Variants in INPP4B observed in about 807,000 individuals in gnomAD.
INPP4B encodes inositol polyphosphate 4-phosphatase type II.
INPP4B carries 55 observed loss-of-function variants against 122.5 expected under a neutral mutation model. That is an observed-to-expected ratio of 0.45 (90% CI 0.36 to 0.56). The LOEUF (loss-of-function observed/expected upper bound fraction) is 0.56, where lower values mean the gene tolerates loss of function less well. INPP4B is among the 20% of genes least tolerant of loss of function. The probability of loss-of-function intolerance (pLI) is 0.00; values close to 1 mark genes in which losing one functional copy is unlikely to be tolerated. For synonymous variants in INPP4B, 403 were observed against 388.7 expected, an observed-to-expected ratio of 1.04 and a Z score of -0.43; for missense variants, 1,000 against 1,097.7, an observed-to-expected ratio of 0.91 and a Z score of 1.26.
chr4:142,603,790 A>G (rs2150309322), intron 2 of INPP4B, among the ~76,000 whole-genome samples: 1 of 152,222 alleles, frequency 6.6e-6, no homozygotes, highest in Admixed American at 6.5e-5. Flanking sequence ...AAATATATAA[A>G]GAAGAACTGA....
At chr4:142,814,786 C>T (rs757937383) in intron 1 of INPP4B, among the ~76,000 whole-genome samples, 3 of 152,086 alleles carry the variant, frequency 2.0e-5, no homozygotes, top group Non-Finnish European at 4.4e-5. Context: ...ATAGAAGAGA[C>T]AAAACTCCTG....
At chr4:142,497,874 G>T (rs1200083516) in intron 2 of INPP4B, among the ~76,000 whole-genome samples, 7 of 151,812 alleles carry the variant, frequency 4.6e-5, no homozygotes, top group Non-Finnish European at 4.4e-5. Context: ...AACAAGTAGA[G>T]AACATGAAAA....
At chr4:142,802,648 C>A (rs28542032) in intron 1 of INPP4B, among the ~76,000 whole-genome samples, 1 of 152,064 alleles carries the variant, frequency 6.6e-6, no homozygotes, top group East Asian at 1.9e-4. Context: ...TCAAAGAACT[C>A]GCCTACTAAA....
At chr4:142,808,591 TAGTTATACTGG>T (rs1370373551) in intron 1 of INPP4B, among the ~76,000 whole-genome samples, 1 of 152,180 alleles carries the variant, frequency 6.6e-6, no homozygotes, top group Non-Finnish European at 1.5e-5. Flanking sequence ...TATTCAGAGG[TAGTTATACTGG>T]AGGATCTAGA....
At chr4:142,658,063 C>G (rs760635079) in intron 2 of INPP4B, among the ~76,000 whole-genome samples, 4 of 152,018 alleles carry the variant, frequency 2.6e-5, no homozygotes, top group Non-Finnish European at 5.9e-5. Flanking sequence ...TTCTAAAATC[C>G]TGATGTCTAA....
intron 7 of INPP4B, among the ~76,000 whole-genome samples, chr4:142,339,188 T>C (rs2151661953): frequency 6.6e-6 from 1 of 152,288 alleles, no homozygotes; most frequent in South Asian, 2.1e-4. Context: ...ACTGCACTAT[T>C]CTTTGTGGTT....
intron 2 of INPP4B, among the ~76,000 whole-genome samples, chr4:142,628,699 G>T (rs1397687031): frequency 1.3e-5 from 2 of 151,250 alleles, no homozygotes; most frequent in Non-Finnish European, 2.9e-5. Context: ...CATTTCATAA[G>T]ATATGGCCCC....
intron 2 of INPP4B, among the ~76,000 whole-genome samples, chr4:142,598,749 G>A (rs922247346): frequency 6.6e-6 from 1 of 152,176 alleles, no homozygotes; most frequent in African/African-American, 2.4e-5. Context: ...GGCCTTGTAA[G>A]CAGAGAATGA....
chr4:142,326,525 T>C (rs940192660), intron 7 of INPP4B, among the ~76,000 whole-genome samples: 3 of 152,202 alleles, frequency 2.0e-5, no homozygotes, highest in African/African-American at 7.2e-5. Context: ...TCATGTATTC[T>C]ACTAACAGTT....
intron 9 of INPP4B, among the ~76,000 whole-genome samples, chr4:142,293,430 A>G (rs1236058319): frequency 6.6e-6 from 1 of 152,132 alleles, no homozygotes; most frequent in African/African-American, 2.4e-5. Context: ...ATTAAAAAAA[A>G]AGCAATCTGT....
At chr4:142,792,111 G>A (rs1482990639) in intron 1 of INPP4B, among the ~76,000 whole-genome samples, 1 of 151,986 alleles carries the variant, frequency 6.6e-6, no homozygotes, top group South Asian at 2.1e-4. Context: ...TTAGCTAGAT[G>A]TGGTGGTCCT....
chr4:142,419,729 A>G (rs1233423382), intron 5 of INPP4B, among the ~76,000 whole-genome samples: 1 of 152,070 alleles, frequency 6.6e-6, no homozygotes, highest in Non-Finnish European at 1.5e-5. Context: ...ATTTAATTGC[A>G]CTCCATTAGG....
chr4:142,735,463 A>T (rs540278843), intron 1 of INPP4B, among the ~76,000 whole-genome samples: 8 of 152,316 alleles, frequency 5.3e-5, no homozygotes, highest in African/African-American at 1.9e-4. Flanking sequence ...GTTCTAAGTT[A>T]CTGTCTTGCA....
chr4:142,798,744 A>G (rs779696201), intron 1 of INPP4B, among the ~76,000 whole-genome samples: 3 of 151,942 alleles, frequency 2.0e-5, no homozygotes, highest in Non-Finnish European at 4.4e-5. Flanking sequence ...GAAGTAGAGA[A>G]GTAGAGATAA....
At chr4:142,443,206 G>T (rs547354634) in intron 3 of INPP4B, among the ~76,000 whole-genome samples, 1 of 152,226 alleles carries the variant, frequency 6.6e-6, no homozygotes, top group African/African-American at 2.4e-5. Context: ...TAACACTCCT[G>T]AGAGCCTTTA....
intron 2 of INPP4B, among the ~76,000 whole-genome samples, chr4:142,528,368 C>T (rs182123876): frequency 1.4e-4 from 22 of 152,126 alleles, no homozygotes. Context: ...GAACACACTT[C>T]CAATCTACTC....
chr4:142,711,748 C>T (rs181017875), intron 2 of INPP4B, among the ~76,000 whole-genome samples: 146 of 152,156 alleles, frequency 9.6e-4, no homozygotes, highest in Admixed American at 1.4e-3. Flanking sequence ...AAATTGATGA[C>T]CTTATATAAG....
chr4:142,843,533 A>G (rs1783820477), intron 1 of INPP4B, among the ~76,000 whole-genome samples: 1 of 152,012 alleles, frequency 6.6e-6, no homozygotes, highest in Non-Finnish European at 1.5e-5. Flanking sequence ...ATTTCTATCT[A>G]TTAAAATCCC....
At chr4:142,163,781 C>A (rs1821308571) in intron 16 of INPP4B, among the ~76,000 whole-genome samples, 1 of 151,734 alleles carries the variant, frequency 6.6e-6, no homozygotes, top group African/African-American at 2.4e-5. Context: ...TATTGCTGTT[C>A]TTGCAACTGG....
Sources: allele counts gnomAD v4.1 joint callset (sites outside exome capture counted in the v4.1 genomes callset), GRCh38; gene constraint gnomAD v4.1.1; transcripts MANE v1.5; gene names NCBI Gene and HGNC (gene_info 2026-07-23, HGNC 2026-07-21).